ARHGAP32: variants seen among roughly 807,000 people sequenced by gnomAD.
The protein encoded by ARHGAP32 is Rho GTPase activating protein 32, also known as rho GTPase-activating protein 32.
Under a neutral mutation model 186.5 loss-of-function variants are expected in ARHGAP32, and 51 were observed. That is an observed-to-expected ratio of 0.27 (90% CI 0.22 to 0.35). The LOEUF (loss-of-function observed/expected upper bound fraction) is 0.35. Among genes scored for constraint, ARHGAP32 ranks in the 10% least tolerant of loss-of-function variants. The probability of loss-of-function intolerance (pLI) is 1.00; values close to 1 mark genes in which losing one functional copy is unlikely to be tolerated. For missense variants in ARHGAP32, 2,186 were observed against 2,623.5 expected, an observed-to-expected ratio of 0.83 and a Z score of 3.64; for synonymous variants, 950 against 964.3, an observed-to-expected ratio of 0.99 and a Z score of 0.27.
chr11:129,157,225 G>A (rs1488249804), intron 2 of ARHGAP32, among the ~76,000 whole-genome samples: 1 of 152,096 alleles, frequency 6.6e-6, no homozygotes, highest in Non-Finnish European at 1.5e-5. Context: ...GACAGAGAAT[G>A]AGTCTGACGA....
intron 1 of ARHGAP32, among the ~76,000 whole-genome samples, chr11:129,241,331 C>A (rs1945014726): frequency 6.6e-6 from 1 of 152,030 alleles, no homozygotes; most frequent in South Asian, 2.1e-4. Flanking sequence ...GTTATAATAG[C>A]CAATTTTGAT....
At chr11:129,257,077 G>A (rs1009637158) in intron 1 of ARHGAP32, among the ~76,000 whole-genome samples, 1 of 152,172 alleles carries the variant, frequency 6.6e-6, no homozygotes, top group South Asian at 2.1e-4. Context: ...AGGAAGGGAA[G>A]CTAAGACATT....
At chr11:129,150,250 G>A (rs979477380) in intron 2 of ARHGAP32, among the ~76,000 whole-genome samples, 3 of 152,098 alleles carry the variant, frequency 2.0e-5, no homozygotes, top group Admixed American at 1.3e-4. Context: ...TTATTTGTAG[G>A]GTTAATTGAG....
intron 6 of ARHGAP32, among the ~76,000 whole-genome samples, chr11:129,068,695 G>C (rs1940777101): frequency 1.3e-5 from 2 of 151,894 alleles, no homozygotes; most frequent in Non-Finnish European, 2.9e-5. Flanking sequence ...CTTTTTGTAT[G>C]AATTGCCTAT....
chr11:129,060,831 C>A (rs1357933102), intron 10 of ARHGAP32, among the ~76,000 whole-genome samples: 2 of 151,780 alleles, frequency 1.3e-5, no homozygotes, highest in African/African-American at 4.8e-5. Flanking sequence ...ATACATCAGA[C>A]CTGGTCTAAT....
At chr11:129,067,063 G>A (rs528472954) in intron 6 of ARHGAP32, among the ~76,000 whole-genome samples, 195 bp from the exon 7 acceptor site, 9 of 151,916 alleles carry the variant, frequency 5.9e-5, no homozygotes, top group African/African-American at 1.9e-4. Context: ...GCCAATAATT[G>A]AAAATAAGAT....
chr11:129,049,630 T>C (rs1939955402), intron 10 of ARHGAP32, among the ~76,000 whole-genome samples: 1 of 152,218 alleles, frequency 6.6e-6, no homozygotes, highest in Non-Finnish European at 1.5e-5. Context: ...AATGAAGTCT[T>C]ATGTAATATA....
intron 11 of ARHGAP32, among the ~76,000 whole-genome samples, chr11:129,037,511 A>C (rs1159779639): frequency 4.6e-5 from 7 of 151,942 alleles, no homozygotes; most frequent in African/African-American, 1.7e-4. Context: ...AAAAATTAAA[A>C]ATACAAAAGA....
intron 6 of ARHGAP32, among the ~76,000 whole-genome samples, chr11:129,075,415 T>C (rs1941004594): frequency 6.6e-6 from 1 of 152,184 alleles, no homozygotes; most frequent in African/African-American, 2.4e-5. Flanking sequence ...TAATGTCAAA[T>C]GGATCAATAC....
At chr11:129,050,927 T>G (rs1422464926) in intron 10 of ARHGAP32, among the ~76,000 whole-genome samples, 1 of 152,224 alleles carries the variant, frequency 6.6e-6, no homozygotes, top group African/African-American at 2.4e-5. Context: ...TTGCTGAGAA[T>G]GATGGTTTCC....
intron 11 of ARHGAP32, among the ~76,000 whole-genome samples, chr11:129,031,041 T>C (rs1939091013): frequency 6.6e-6 from 1 of 152,090 alleles, no homozygotes; most frequent in Non-Finnish European, 1.5e-5. Flanking sequence ...CCATGCTTCC[T>C]GGACAGCCTG....
At chr11:129,001,872 T>C (rs1384680564) in intron 11 of ARHGAP32, among the ~76,000 whole-genome samples, 1 of 152,222 alleles carries the variant, frequency 6.6e-6, no homozygotes, top group African/African-American at 2.4e-5. Flanking sequence ...AGACTGTTAT[T>C]TCCCCAATGT....
intron 10 of ARHGAP32, among the ~76,000 whole-genome samples, chr11:129,056,101 T>G (rs1245173809): frequency 6.6e-6 from 1 of 152,306 alleles, no homozygotes; most frequent in East Asian, 1.9e-4. Context: ...TAAACTCAGC[T>G]AATCAGCTGA....
intron 13 of ARHGAP32, 31 bp downstream of exon 13, chr11:128,987,992 A>G: frequency 7.2e-7 from 1 of 1,383,862 alleles, no homozygotes. Context: ...TTAGTTAAGA[A>G]GGAGTGAAAA....
intron 2 of ARHGAP32, among the ~76,000 whole-genome samples, chr11:129,135,490 G>A (rs10790991): frequency 0.36 from 54,659 of 152,098 alleles, 10,265 homozygotes; most frequent in South Asian, 0.52. Context: ...AACGCTGGCC[G>A]GGCGTGGTGG....
At chr11:129,008,855 A>G (rs537340206) in intron 11 of ARHGAP32, among the ~76,000 whole-genome samples, 1 of 152,296 alleles carries the variant, frequency 6.6e-6, no homozygotes, top group East Asian at 1.9e-4. Flanking sequence ...TAGTTGGTTA[A>G]CTTCAGAAGT....
intron 1 of ARHGAP32, among the ~76,000 whole-genome samples, chr11:129,190,923 T>C (rs1430385954): frequency 1.3e-5 from 2 of 152,118 alleles, no homozygotes; most frequent in Non-Finnish European, 2.9e-5. Flanking sequence ...AGACAAAAAA[T>C]AATCATATGC....
intron 1 of ARHGAP32, among the ~76,000 whole-genome samples, chr11:129,237,647 T>C (rs9988810): frequency 0.66 from 99,656 of 151,768 alleles, 32,984 homozygotes; most frequent in Non-Finnish European, 0.71. Flanking sequence ...GGCCTCGGGG[T>C]AAGAGCACAC....
upstream of ARHGAP32, among the ~76,000 whole-genome samples, chr11:129,196,521 T>G (rs1361924503): frequency 6.6e-6 from 1 of 152,194 alleles, no homozygotes; most frequent in East Asian, 1.9e-4. Flanking sequence ...GTGACTTGAG[T>G]ATCTACAGAT....
Sources: allele counts gnomAD v4.1 joint callset (sites outside exome capture counted in the v4.1 genomes callset), GRCh38; gene constraint gnomAD v4.1.1; transcripts MANE v1.5; gene names NCBI Gene and HGNC (gene_info 2026-07-23, HGNC 2026-07-21).